Variants in DAB1 observed in about 807,000 individuals in gnomAD.
The protein encoded by DAB1 is disabled homolog 1.
DAB1 carries 15 observed loss-of-function variants against 64.6 expected under a neutral mutation model. The ratio of observed to expected loss-of-function variants is 0.23; its 90% confidence interval spans 0.16 to 0.36. The LOEUF (loss-of-function observed/expected upper bound fraction) is 0.36. Ranked by LOEUF, DAB1 falls within the 10% of genes least tolerant of loss-of-function variation. The pLI, the probability that DAB1 is intolerant of heterozygous loss-of-function variation, is 1.00. For missense variants in DAB1, 596 were observed against 706.7 expected, an observed-to-expected ratio of 0.84 and a Z score of 1.78; for synonymous variants, 235 against 251.9, an observed-to-expected ratio of 0.93 and a Z score of 0.64.
intron 4 of DAB1, among the ~76,000 whole-genome samples, chr1:58,177,572 A>T (rs1007597695): frequency 6.6e-6 from 1 of 152,174 alleles, no homozygotes; most frequent in Admixed American, 6.5e-5. Flanking sequence ...AGGGACTATA[A>T]TACACAGTGC....
chr1:57,204,669 G>A (rs1017353625), intron 2 of DAB1, among the ~76,000 whole-genome samples: 2 of 152,202 alleles, frequency 1.3e-5, no homozygotes, highest in Admixed American at 1.3e-4. Flanking sequence ...ATATGTATGG[G>A]GGAAATCATA....
At chr1:58,348,447 G>A (rs1557736987) in intron 3 of DAB1, among the ~76,000 whole-genome samples, 1 of 152,046 alleles carries the variant, frequency 6.6e-6, no homozygotes, top group Non-Finnish European at 1.5e-5. Flanking sequence ...AGATGATTTT[G>A]TTTGAGGTTT....
At chr1:57,060,488 G>T (rs1368544999) in intron 9 of DAB1, among the ~76,000 whole-genome samples, 1 of 152,160 alleles carries the variant, frequency 6.6e-6, no homozygotes, top group African/African-American at 2.4e-5. Flanking sequence ...CAGCCGTGTT[G>T]TACCTGGCTT....
chr1:57,347,088 G>T (rs1231292650), intron 1 of DAB1, among the ~76,000 whole-genome samples: 2 of 152,184 alleles, frequency 1.3e-5, no homozygotes, highest in Non-Finnish European at 2.9e-5. Flanking sequence ...TTACACAAAG[G>T]CAGGAAGGGA....
intron 7 of DAB1, among the ~76,000 whole-genome samples, chr1:57,533,574 T>G (rs1431297386): frequency 1.3e-5 from 2 of 149,324 alleles, no homozygotes; most frequent in Admixed American, 6.7e-5. Context: ...TATGTATATA[T>G]GTAGGCACAC....
chr1:58,090,655 C>T (rs2100610530), intron 5 of DAB1, among the ~76,000 whole-genome samples: 1 of 152,230 alleles, frequency 6.6e-6, no homozygotes, highest in Non-Finnish European at 1.5e-5. Context: ...AATCTGAACC[C>T]TCATGCTATA....
chr1:57,129,223 C>T (rs1264367657), intron 4 of DAB1, among the ~76,000 whole-genome samples: 1 of 152,136 alleles, frequency 6.6e-6, no homozygotes, highest in Non-Finnish European at 1.5e-5. Flanking sequence ...CATCCCTTTT[C>T]CCCTGTCATG....
At chr1:57,313,197 G>A (rs902220326) in intron 1 of DAB1, among the ~76,000 whole-genome samples, 1 of 152,082 alleles carries the variant, frequency 6.6e-6, no homozygotes, top group African/African-American at 2.4e-5. Flanking sequence ...AGGCCTCAAG[G>A]TATGGCAGGA....
intron 5 of DAB1, among the ~76,000 whole-genome samples, chr1:57,928,443 A>G (rs887926084): frequency 6.6e-6 from 1 of 152,102 alleles, no homozygotes. Flanking sequence ...ATGAACCTGC[A>G]CTGATATATC....
At position 56,996,777 on chromosome 1, in the gene DAB1, T is replaced by TGA. The variant is rs1645638121; in HGVS notation, c.*1365_*1366dup. The TGA allele has an allele frequency of 1.3e-5, 2 of 152,276 alleles. No individual in the cohort carries two copies. Among genetic ancestry groups the TGA allele is most frequent in the Non-Finnish European group, 2.9e-5 (2 of 68,042 alleles). 9.4% of individuals were successfully genotyped at this position (152,276 alleles called of 1,614,324 possible). A position where few individuals can be genotyped will look rare whatever the true frequency, so the allele number is the denominator to read the frequency against. On this transcript the variant is annotated 3_prime_UTR_variant, in exon 15 of 15. Coordinates refer to ENST00000371236, the MANE Select transcript of DAB1 (RefSeq NM_001365792.1). Reference sequence around the variant, plus strand: ...ATGCTCCAGAATAACGTCTGGAAAGTGAGCCCCATCCATCAAGTTTGTCAC... The same window carrying TGA: ...ATGCTCCAGAATAACGTCTGGAAAGTGAGAGCCCCATCCATCAAGTTTGTCAC...
At chr1:57,924,797 C>G (rs1202454262) in intron 5 of DAB1, among the ~76,000 whole-genome samples, 1 of 151,774 alleles carries the variant, frequency 6.6e-6, no homozygotes, top group Non-Finnish European at 1.5e-5. Flanking sequence ...TCAGTTTACT[C>G]GTCTGATGGA....
At chr1:57,685,143 G>A (rs182977582) in intron 6 of DAB1, among the ~76,000 whole-genome samples, 2 of 151,510 alleles carry the variant, frequency 1.3e-5, no homozygotes, top group South Asian at 2.1e-4. Context: ...TAGTAGAGAC[G>A]GGGTTTCACC....
At chr1:57,153,596 T>C (rs1277482586) in intron 2 of DAB1, among the ~76,000 whole-genome samples, 1 of 151,112 alleles carries the variant, frequency 6.6e-6, no homozygotes, top group Non-Finnish European at 1.5e-5. Flanking sequence ...TTAATTTTTC[T>C]GGTTACATAG....
At chr1:58,105,147 C>A (rs893010731) in intron 5 of DAB1, among the ~76,000 whole-genome samples, 1 of 152,236 alleles carries the variant, frequency 6.6e-6, no homozygotes, top group Non-Finnish European at 1.5e-5. Flanking sequence ...AGATCAAGCC[C>A]TGCAAAAGAT....
chr1:57,551,805 G>A (rs1459916718), intron 7 of DAB1, among the ~76,000 whole-genome samples: 1 of 152,104 alleles, frequency 6.6e-6, no homozygotes, highest in Non-Finnish European at 1.5e-5. Flanking sequence ...TAATTTACAA[G>A]CAAAAAGTGT....
chr1:57,567,485 T>A (rs1028316932), intron 7 of DAB1, among the ~76,000 whole-genome samples: 11 of 152,180 alleles, frequency 7.2e-5, no homozygotes, highest in Admixed American at 3.3e-4. Flanking sequence ...GGAAGTCAAA[T>A]TGTCCCTGCT....
chr1:57,590,937 A>T (rs547575608), intron 7 of DAB1, among the ~76,000 whole-genome samples: 1 of 152,310 alleles, frequency 6.6e-6, no homozygotes, highest in African/African-American at 2.4e-5. Flanking sequence ...CCATTTATGC[A>T]AAATTGGTTA....
At chr1:57,952,026 T>C (rs141180179) in intron 5 of DAB1, among the ~76,000 whole-genome samples, 199 of 152,274 alleles carry the variant, frequency 1.3e-3, no homozygotes, top group Non-Finnish European at 2.0e-3. Flanking sequence ...TCAATATCCA[T>C]TCATTCTTTC....
chr1:57,831,580 T>C (rs1368948591), intron 1 of DAB1, among the ~76,000 whole-genome samples: 2 of 142,572 alleles, frequency 1.4e-5, no homozygotes, highest in African/African-American at 2.6e-5. Context: ...CTTACCCTGC[T>C]ACCCAGGCTG....
Sources: gnomAD v4.1 joint callset for allele counts (sites outside exome capture counted in the v4.1 genomes callset) on GRCh38, gnomAD v4.1.1 for gene constraint, MANE v1.5 for transcripts, NCBI Gene and HGNC (gene_info 2026-07-23, HGNC 2026-07-21) for gene names.